Variants in ZNF780A observed in about 807,000 individuals in gnomAD.
ZNF780A encodes the protein zinc finger protein 780A.
A neutral mutation model predicts 56.7 loss-of-function variants in ZNF780A; 40 were observed. That is an observed-to-expected ratio of 0.71 (90% CI 0.55 to 0.92). The LOEUF (loss-of-function observed/expected upper bound fraction) is 0.92, where lower values mean the gene tolerates loss of function less well. Ranked by LOEUF, ZNF780A falls within the 40% of genes least tolerant of loss-of-function variation. The pLI, the probability that ZNF780A is intolerant of heterozygous loss-of-function variation, is 0.00. For missense variants in ZNF780A, 672 were observed against 783.3 expected, an observed-to-expected ratio of 0.86 and a Z score of 1.70; for synonymous variants, 231 against 248.3, an observed-to-expected ratio of 0.93 and a Z score of 0.66.
At chr19:40,081,973 T>C in intron 4 of ZNF780A, 59 bp from the exon 5 acceptor site, 1 of 1,252,974 alleles carries the variant, frequency 8.0e-7, no homozygotes, top group South Asian at 1.3e-5. Context: ...TTTTTTCAAA[T>C]CTTTGTGACC....
At chr19:40,084,912 A>G (rs1266767403) in intron 2 of ZNF780A, 114 bp from the exon 3 acceptor site, 2 of 1,271,666 alleles carry the variant, frequency 1.6e-6, no homozygotes, top group Non-Finnish European at 2.2e-6. Flanking sequence ...GCACACTTCC[A>G]CCCTTCTCCC....
Position 40,089,537 on chromosome 19 carries a change from T to C in ZNF780A, c.-46+629A>G, listed in dbSNP as rs996221656. On this transcript the variant is annotated intron_variant, in intron 2 of 5. Transcript: ENST00000683561. ...GCTTTACGATATTAATTCATTCTAA[T>C]GACAGAACCAATATTCCAACCCAGA... 2.3e-5 allele frequency: 6 copies of C among 260,970 alleles called. No homozygotes were observed. The East Asian group carries it at 2.6e-4, about 11-fold the overall frequency. 16.2% of individuals were successfully genotyped at this position (260,970 alleles called of 1,614,324 possible). A position where few individuals can be genotyped will look rare whatever the true frequency, so the allele number is the denominator to read the frequency against.
chr19:40,073,083 TAC>T lies in ZNF780A; in HGVS notation c.*1431_*1432del, dbSNP rs138196193. 46,905 of 1,367,858 alleles carry T rather than the reference TAC, an allele frequency of 0.034. 926 individuals carry two copies. The highest frequency in any genetic ancestry group is 0.039 in the Non-Finnish European group (41,619 of 1,061,514). 84.7% of individuals were successfully genotyped at this position (1,367,858 alleles called of 1,614,324 possible). A position where few individuals can be genotyped will look rare whatever the true frequency, so the allele number is the denominator to read the frequency against. On this transcript the variant is annotated 3_prime_UTR_variant, in exon 6 of 6. Coordinates refer to ENST00000683561, the MANE Select transcript of ZNF780A (RefSeq NM_001142578.2). ...CTATATTGTCTTCATGTTTGGTTGA[TAC>T]ACACGTTGATTAAATAAAGGGTAAA...
chr19:40,080,112 T>C (rs1157011368), intron 5 of ZNF780A, among the ~76,000 whole-genome samples: 1 of 151,880 alleles, frequency 6.6e-6, no homozygotes, highest in Non-Finnish European at 1.5e-5. Flanking sequence ...ATCATCAAAA[T>C]AGAAAAGCTG....
At chr19:40,084,525 G>GA (rs900633762) in intron 3 of ZNF780A, among the ~76,000 whole-genome samples, 3 of 151,928 alleles carry the variant, frequency 2.0e-5, no homozygotes, top group African/African-American at 4.8e-5. Context: ...AGCACAGACT[G>GA]AATAACTTTT....
At position 40,075,714 on chromosome 19, in the gene ZNF780A, T is replaced by C. The variant is rs749012511; in HGVS notation, c.728A>G (p.His243Arg). ...ACATTCAAACAGTTTCTCACCTGTG[T>C]GAATGTTCTTATGGCGATTAAGCAG... The part of the protein sequence containing the change: ...LTLLNRHKNI[H>R]TGEKLFECKE... The change falls in exon 6 of 6, where the codon CAC becomes CGC. Residue 243 changes from histidine (H) to arginine (R), a missense_variant. Physicochemically the swap from His to Arg is conservative, Grantham distance 29. Transcript: ENST00000683561. 1 of 1,613,988 alleles carries C rather than the reference T, an allele frequency of 6.2e-7. No individual in the cohort carries two copies. Among genetic ancestry groups the C allele is most frequent in the Non-Finnish European group, 8.5e-7 (1 of 1,180,008 alleles).
intron 5 of ZNF780A, 110 bp downstream of exon 5, chr19:40,081,709 T>G: frequency 1.1e-6 from 1 of 881,826 alleles, no homozygotes; most frequent in Admixed American, 1.9e-5. Context: ...CCAACAGGAC[T>G]TGGGTCACTG....
Position 40,075,690 on chromosome 19 carries a change from C to G in ZNF780A, c.752G>C (p.Cys251Ser). 1 of 1,614,142 alleles carries G rather than the reference C, an allele frequency of 6.2e-7. No individual in the cohort carries two copies. Among genetic ancestry groups the G allele is most frequent in the South Asian group, 1.1e-5 (1 of 91,082 alleles). ...ATTAAAGGACTTCCCACATTCCTTA[C>G]ATTCAAACAGTTTCTCACCTGTGTG... ...NIHTGEKLFE[C>S]KECGKSFNRS... The change falls in exon 6 of 6, where the codon TGT becomes TCT. Residue 251 changes from cysteine to serine, a missense_variant. Transcript: ENST00000683561.
chr19:40,072,888 GA>G (rs1973885531), downstream of ZNF780A: 4 of 1,549,380 alleles, frequency 2.6e-6, no homozygotes, highest in Non-Finnish European at 2.6e-6. Context: ...ATACACTAAA[GA>G]GAGATAACCA....
downstream of ZNF780A, chr19:40,071,607 T>C (rs891171014): frequency 2.6e-5 from 4 of 152,218 alleles, no homozygotes; most frequent in Admixed American, 6.5e-5. Context: ...TCAAAGTCTC[T>C]CCATAGATTA....
Position 40,074,700 on chromosome 19 carries a change from C to T in ZNF780A, c.1742G>A (p.Gly581Asp), listed in dbSNP as rs2144901702. The T allele has an allele frequency of 6.2e-7, 1 of 1,614,136 alleles. No individual in the cohort carries two copies. Residue 581 changes from glycine (G) to aspartate (D), a missense_variant, in exon 6 of 6, where the codon GGT becomes GAT. Coordinates refer to ENST00000683561, the MANE Select transcript of ZNF780A (RefSeq NM_001142578.2). ...CTCCTTACATTCAAAGGGTTTCTCA[C>T]CAGTATGCAATTTCTGATGTCGAAT... ...HLIRHQKLHT[G>D]EKPFECKECG...
chr19:40,079,907 G>A (rs1042459530), intron 5 of ZNF780A, among the ~76,000 whole-genome samples: 11 of 152,106 alleles, frequency 7.2e-5, no homozygotes, highest in African/African-American at 2.6e-4. Context: ...ACGATCTAAT[G>A]AAATTAGGGC....
At chr19:40,088,682 A>C (rs572285567) in intron 2 of ZNF780A, among the ~76,000 whole-genome samples, 5 of 152,346 alleles carry the variant, frequency 3.3e-5, no homozygotes, top group African/African-American at 1.2e-4. Context: ...TCTGTATGTC[A>C]AAGAGATATC....
At chr19:40,071,719 A>G (rs1973826486), downstream of ZNF780A, 2 of 152,390 alleles carry the variant, frequency 1.3e-5, no homozygotes, top group Admixed American at 6.5e-5. Context: ...CTGTACTTAA[A>G]TGTTTTCTGA....
intron 2 of ZNF780A, among the ~76,000 whole-genome samples, chr19:40,088,069 CAT>C (rs994449274): frequency 3.3e-5 from 5 of 152,044 alleles, no homozygotes; most frequent in African/African-American, 9.6e-5. Context: ...TAGAAGAAAA[CAT>C]AGGGGGAAAG....
At chr19:40,079,082 G>A (rs1221273337) in intron 5 of ZNF780A, among the ~76,000 whole-genome samples, 1 of 152,046 alleles carries the variant, frequency 6.6e-6, no homozygotes, top group Non-Finnish European at 1.5e-5. Flanking sequence ...CCAATTATAT[G>A]CTGCCAACAG....
At chr19:40,069,873 A>G (rs1335901670), downstream of ZNF780A, 1 of 152,172 alleles carries the variant, frequency 6.6e-6, no homozygotes, top group Non-Finnish European at 1.5e-5. Flanking sequence ...ACAAATACAG[A>G]AAAGTTTGAG....
chr19:40,074,359 C>A lies in ZNF780A; in HGVS notation c.*157G>T. 1 of 1,531,628 alleles carries A rather than the reference C, an allele frequency of 6.5e-7. No homozygotes were observed. Among genetic ancestry groups the A allele is most frequent in the South Asian group, 1.3e-5 (1 of 74,998 alleles). 94.9% of individuals were successfully genotyped at this position (1,531,628 alleles called of 1,614,324 possible). ...TCCACTCCTTGCATACAAAGAGTTTCTCACTGGAATGAATTTTCTGATGCT... is the reference window on the plus strand; with the variant it reads ...TCCACTCCTTGCATACAAAGAGTTTATCACTGGAATGAATTTTCTGATGCT... On this transcript the variant is annotated 3_prime_UTR_variant, in exon 6 of 6. Coordinates refer to ENST00000683561, the MANE Select transcript of ZNF780A (RefSeq NM_001142578.2).
chr19:40,083,815 A>G (rs1056163636), intron 3 of ZNF780A, among the ~76,000 whole-genome samples: 1 of 152,142 alleles, frequency 6.6e-6, no homozygotes, highest in Non-Finnish European at 1.5e-5. Flanking sequence ...TAGAACTCAC[A>G]TATTAGATTT....
Sources: gnomAD v4.1 joint callset for allele counts (sites outside exome capture counted in the v4.1 genomes callset) on GRCh38, gnomAD v4.1.1 for gene constraint, MANE v1.5 for transcripts, NCBI Gene and HGNC (gene_info 2026-07-23, HGNC 2026-07-21) for gene names.